The following LEKR1 variants were observed in gnomAD, a reference collection of about 807,000 sequenced individuals.
The protein encoded by LEKR1 is leucine, glutamate and lysine rich 1, also known as protein LEKR1.
LEKR1 carries 59 observed loss-of-function variants against 72.4 expected under a neutral mutation model. The observed-to-expected ratio is 0.82, with a 90% CI of 0.66 to 1.01. The LOEUF (loss-of-function observed/expected upper bound fraction) is 1.01. Among genes scored for constraint, LEKR1 ranks in the 50% least tolerant of loss-of-function variants. The probability of loss-of-function intolerance (pLI) is 0.00; values close to 1 mark genes in which losing one functional copy is unlikely to be tolerated. For missense variants in LEKR1, 728 were observed against 759.2 expected (o/e 0.96, Z 0.48); for synonymous variants, 257 against 263.2 (o/e 0.98, Z 0.23).
At chr3:156,869,739 T>G (rs909709419) in intron 3 of LEKR1, among the ~76,000 whole-genome samples, 2 of 147,932 alleles carry the variant, frequency 1.4e-5, no homozygotes, top group Admixed American at 1.3e-4. Context: ...TTTCTGTTTT[T>G]GTTTTCTGTG....
chr3:156,986,725 G>T (rs1013292160), intron 7 of LEKR1, among the ~76,000 whole-genome samples: 1 of 152,170 alleles, frequency 6.6e-6, no homozygotes, highest in Non-Finnish European at 1.5e-5. Flanking sequence ...TTTGGTCTCA[G>T]TTCCCTAAAC....
chr3:156,991,004 G>A (rs1244008442), intron 7 of LEKR1, among the ~76,000 whole-genome samples: 1 of 152,090 alleles, frequency 6.6e-6, no homozygotes, highest in African/African-American at 2.4e-5. Context: ...GATGTGCAGT[G>A]TATTATATGT....
At chr3:157,031,221 G>T (rs1332513902) in intron 12 of LEKR1, among the ~76,000 whole-genome samples, 1 of 152,104 alleles carries the variant, frequency 6.6e-6, no homozygotes, top group Non-Finnish European at 1.5e-5. Flanking sequence ...AACTCTTCCT[G>T]CTCATTAGTT....
chr3:156,988,182 C>G (rs1482850), intron 7 of LEKR1: 9,481 of 187,936 alleles, frequency 0.05, 285 homozygotes, highest in African/African-American at 0.079. Context: ...TGTGCAAGCT[C>G]TGGAAAGTTG....
At chr3:156,957,342 G>A (rs908570314) in intron 6 of LEKR1, among the ~76,000 whole-genome samples, 1 of 151,952 alleles carries the variant, frequency 6.6e-6, no homozygotes, top group Non-Finnish European at 1.5e-5. Flanking sequence ...CAGAATAGGT[G>A]TATTTGTGAA....
In LEKR1 at chr3:157,032,976, C is replaced by T. The variant is rs182076451; in HGVS notation, c.1668+4574C>T. Among the ~76,000 whole-genome samples the T allele has an allele frequency of 3.9e-5, 6 of 152,176 alleles. No individual in the cohort carries two copies. The East Asian group carries it at 1.2e-3, about 29-fold the overall frequency. ...TCATTATTATTATATCTGTTATGGC[C>T]ACAAAACCAGTGATCTTTGATGTTA... On this transcript the variant is annotated intron_variant, in intron 12 of 12. Coordinates refer to ENST00000356539, the MANE Select transcript of LEKR1 (RefSeq NM_001004316.3).
intron 4 of LEKR1, chr3:156,925,142 A>G (rs1007259363): frequency 6.6e-6 from 1 of 151,900 alleles, no homozygotes; most frequent in Admixed American, 6.6e-5. Context: ...TTTTATTACA[A>G]TTTATTTCTA....
chr3:156,860,609 A>T (rs16826858), intron 3 of LEKR1, among the ~76,000 whole-genome samples: 46,149 of 152,000 alleles, frequency 0.3, 9,978 homozygotes, highest in African/African-American at 0.61. Context: ...ATTGGAGGAA[A>T]TAAGTGTACC....
intron 12 of LEKR1, among the ~76,000 whole-genome samples, chr3:157,042,906 G>C (rs182564985): frequency 1.4e-4 from 22 of 152,244 alleles, no homozygotes; most frequent in African/African-American, 5.3e-4. Context: ...GTTTGGATCT[G>C]TGTCCCCACC....
At chr3:156,998,901 A>G (rs188530806) in intron 9 of LEKR1, among the ~76,000 whole-genome samples, 79 of 152,252 alleles carry the variant, frequency 5.2e-4, no homozygotes, top group South Asian at 1.2e-3. Context: ...GTCCCCACCC[A>G]AATTTCATCT....
chr3:157,041,179 A>G (rs531090053), intron 12 of LEKR1, among the ~76,000 whole-genome samples: 1 of 152,300 alleles, frequency 6.6e-6, no homozygotes, highest in East Asian at 1.9e-4. Flanking sequence ...AGTGATATCT[A>G]TAGATCATGC....
At chr3:156,908,738 G>A (rs1268588330) in intron 3 of LEKR1, among the ~76,000 whole-genome samples, 3 of 151,838 alleles carry the variant, frequency 2.0e-5, no homozygotes, top group Non-Finnish European at 4.4e-5. Flanking sequence ...AGCATCTGGG[G>A]ATTGGGTATG....
intron 12 of LEKR1, among the ~76,000 whole-genome samples, chr3:157,035,453 C>G (rs1164640708): frequency 3.3e-5 from 5 of 152,114 alleles, no homozygotes; most frequent in Non-Finnish European, 7.4e-5. Context: ...AACCTGAGGA[C>G]AGAAGAGATA....
intron 3 of LEKR1, among the ~76,000 whole-genome samples, chr3:156,882,717 G>A (rs1719560992): frequency 6.6e-6 from 1 of 152,132 alleles, no homozygotes; most frequent in Admixed American, 6.5e-5. Flanking sequence ...TTTTATTGCG[G>A]CATTATTCAG....
intron 3 of LEKR1, among the ~76,000 whole-genome samples, chr3:156,913,393 G>A (rs1191080326): frequency 2.0e-5 from 3 of 152,044 alleles, no homozygotes; most frequent in Non-Finnish European, 4.4e-5. Context: ...TGTGGCTATT[G>A]TAAATGGGAT....
At chr3:156,854,854 T>C (rs889045593) in intron 3 of LEKR1, among the ~76,000 whole-genome samples, 3 of 152,084 alleles carry the variant, frequency 2.0e-5, no homozygotes, top group Admixed American at 6.6e-5. Context: ...TGCCCAGCCT[T>C]ATTTTCTTAA....
In LEKR1 at chr3:156,884,708, A is replaced by C. The variant is rs1170187220; in HGVS notation, c.263+31726A>C. ...TGATGCTTTTGTCTCATAGCTTTTA[A>C]GATTATTTCCTTCATCTTGACTTTA... is the stretch of plus-strand genomic sequence containing the variant. On this transcript the variant is annotated intron_variant, in intron 3 of 12. Coordinates refer to ENST00000356539, the MANE Select transcript of LEKR1 (RefSeq NM_001004316.3). Among the ~76,000 whole-genome samples, 4 of 152,152 alleles carry C rather than the reference A, an allele frequency of 2.6e-5. No individual in the cohort carries two copies. The East Asian group carries it at 7.7e-4, about 29-fold the overall frequency.
At chr3:157,037,241 G>T (rs944142915) in intron 12 of LEKR1, among the ~76,000 whole-genome samples, 21 of 152,028 alleles carry the variant, frequency 1.4e-4, no homozygotes, top group Non-Finnish European at 4.4e-5. Flanking sequence ...ATCTGAAAAT[G>T]GTTATTCCTG....
intron 12 of LEKR1, among the ~76,000 whole-genome samples, 188 bp from the exon 13 acceptor site, chr3:157,045,152 A>C (rs776154189): frequency 5.3e-5 from 8 of 152,102 alleles, no homozygotes; most frequent in Non-Finnish European, 1.0e-4. Flanking sequence ...ATTTTCTTCA[A>C]CTTCTTTCCA....
Sources: allele counts gnomAD v4.1 joint callset (sites outside exome capture counted in the v4.1 genomes callset), GRCh38; gene constraint gnomAD v4.1.1; transcripts MANE v1.5; gene names NCBI Gene and HGNC (gene_info 2026-07-23, HGNC 2026-07-21).